MTR: variants seen among roughly 807,000 people sequenced by gnomAD.
MTR encodes methionine synthase.
In MTR, 84 loss-of-function variants were observed where a neutral mutation model predicts 154.8. That is an observed-to-expected ratio of 0.54 (90% CI 0.45 to 0.65). The LOEUF is 0.65. Ranked by LOEUF, MTR falls within the 30% of genes least tolerant of loss-of-function variation. The pLI, the probability that MTR is intolerant of heterozygous loss-of-function variation, is 0.00. For synonymous variants in MTR, 554 were observed against 553.9 expected (o/e 1.00, Z 0.00); for missense variants, 1,275 against 1,570.2 (o/e 0.81, Z 3.18).
intron 1 of MTR, among the ~76,000 whole-genome samples, chr1:236,796,327 G>C (rs1031561086): frequency 6.6e-6 from 1 of 152,148 alleles, no homozygotes; most frequent in African/African-American, 2.4e-5. Context: ...TCTGATGTTG[G>C]TGGCCCTGGG....
chr1:236,799,207 G>A (rs951421723), intron 1 of MTR, among the ~76,000 whole-genome samples: 10 of 151,658 alleles, frequency 6.6e-5, no homozygotes, highest in African/African-American at 1.5e-4. Flanking sequence ...CTGCAGCCTC[G>A]ACTTCCCAGG....
intron 18 of MTR, among the ~76,000 whole-genome samples, chr1:236,859,526 TA>T (rs1664398648): frequency 3.9e-5 from 6 of 152,178 alleles, no homozygotes; most frequent in Admixed American, 3.9e-4. Flanking sequence ...GGGTTTGGAG[TA>T]TAGCTTCTCT....
intron 31 of MTR, among the ~76,000 whole-genome samples, chr1:236,896,071 T>C (rs1666607586): frequency 6.6e-6 from 1 of 152,228 alleles, no homozygotes; most frequent in African/African-American, 2.4e-5. Context: ...ATGTTTTGCC[T>C]GTGGATTGAT....
At chr1:236,799,498 T>C (rs1660588040) in intron 1 of MTR, among the ~76,000 whole-genome samples, 1 of 152,206 alleles carries the variant, frequency 6.6e-6, no homozygotes, top group South Asian at 2.1e-4. Flanking sequence ...TGTTTTATTA[T>C]ATATTCCTTT....
intron 9 of MTR, among the ~76,000 whole-genome samples, chr1:236,824,688 T>C (rs886721404): frequency 1.3e-5 from 2 of 152,224 alleles, no homozygotes; most frequent in South Asian, 2.1e-4. Context: ...CCATTAAATA[T>C]TGGTAATTTG....
chr1:236,801,415 G>A (rs1441262684), intron 1 of MTR, among the ~76,000 whole-genome samples: 1 of 152,152 alleles, frequency 6.6e-6, no homozygotes, highest in Admixed American at 6.5e-5. Context: ...AAGCCCACTT[G>A]GAGAAAGTCA....
chr1:236,829,076 T>C (rs1391315040), intron 11 of MTR, 113 bp from the exon 12 acceptor site: 2 of 803,292 alleles, frequency 2.5e-6, no homozygotes, highest in East Asian at 2.8e-5. Flanking sequence ...TAATTATATG[T>C]ATAGTTATGT....
intron 3 of MTR, among the ~76,000 whole-genome samples, 168 bp from the exon 4 acceptor site, chr1:236,808,536 C>T (rs1661116939): frequency 6.6e-6 from 1 of 152,236 alleles, no homozygotes; most frequent in Non-Finnish European, 1.5e-5. Flanking sequence ...TGCTGCCTTT[C>T]AAGTCTGGAG....
chr1:236,889,371 TATTC>T (rs767090111), intron 28 of MTR, 35 bp downstream of exon 28: 389 of 1,613,132 alleles, frequency 2.4e-4, no homozygotes, highest in Middle Eastern at 9.9e-4. Context: ...CTGCCTCTGA[TATTC>T]AAGCTGTGGG....
Position 236,901,712 on chromosome 1 carries a change from G to C in MTR, c.*4068G>C, listed in dbSNP as rs1205898046. ...GGCCAGCTTCTCATGTTCTCACAGTGGGTGGAGGGTAAGCTTGCTCTCTGG... is the reference window on the plus strand; with the variant it reads ...GGCCAGCTTCTCATGTTCTCACAGTCGGTGGAGGGTAAGCTTGCTCTCTGG... On this transcript the variant is annotated 3_prime_UTR_variant, in exon 33 of 33. Coordinates refer to ENST00000366577, the MANE Select transcript of MTR (RefSeq NM_000254.3). The C allele has an allele frequency of 6.6e-6, 1 of 152,236 alleles. No individual in the cohort carries two copies. The highest frequency in any genetic ancestry group is 1.5e-5 in the Non-Finnish European group (1 of 68,090). The allele number at this position is 152,236 out of a possible 1,614,324, so 9.4% of individuals were successfully genotyped here.
At chr1:236,806,068 A>G in intron 2 of MTR, 76 bp from the exon 3 acceptor site, 1 of 1,181,568 alleles carries the variant, frequency 8.5e-7, no homozygotes, top group Non-Finnish European at 1.3e-6. Flanking sequence ...TAATGGTGGT[A>G]ATGAAAGGGC....
At chr1:236,851,216 T>C (rs1009696558) in intron 16 of MTR, among the ~76,000 whole-genome samples, 2 of 152,216 alleles carry the variant, frequency 1.3e-5, no homozygotes, top group Non-Finnish European at 2.9e-5. Context: ...CAACCCATAT[T>C]ATTCCCAAAG....
intron 8 of MTR, among the ~76,000 whole-genome samples, chr1:236,821,709 T>C (rs1661963555): frequency 6.6e-6 from 1 of 152,224 alleles, no homozygotes. Context: ...TATATATAGG[T>C]CTGTGTTCCA....
chr1:236,842,074 G>GTATTTT (rs1466789154), intron 15 of MTR, among the ~76,000 whole-genome samples: 1 of 152,088 alleles, frequency 6.6e-6, no homozygotes, highest in East Asian at 1.9e-4. Context: ...TGTATTTTTA[G>GTATTTT]TAGAGACGGG....
At chr1:236,859,991 T>C in intron 19 of MTR, 69 bp downstream of exon 19, 1 of 1,333,588 alleles carries the variant, frequency 7.5e-7, no homozygotes, top group Non-Finnish European at 1.1e-6. Context: ...TTGTGGGCGG[T>C]GTGACAGTAG....
Position 236,815,846 on chromosome 1 carries a change from G to A in MTR, c.669+183G>A, listed in dbSNP as rs549770899. Among the ~76,000 whole-genome samples the A allele has an allele frequency of 1.1e-4, 17 of 152,186 alleles. No individual in the cohort carries two copies. The East Asian group carries it at 1.5e-3, about 14-fold the overall frequency. ...CAATAACAGTCTTATATCTGGAGAG[G>A]CAAGGAAAATGAATCTAGAAGTAGC... On this transcript the variant is annotated intron_variant, in intron 7 of 32. Coordinates refer to ENST00000366577, the MANE Select transcript of MTR (RefSeq NM_000254.3).
At chr1:236,861,101 T>TTTTTTTTTTTTTTTTTTTTTTTTTTA in intron 19 of MTR, 24 bp from the exon 20 acceptor site, 1 of 1,461,890 alleles carries the variant, frequency 6.8e-7, no homozygotes. Context: ...CTTTTTCTTT[T>TTTTTTTTTTTTTTTTTTTTTTTTTTA]TTTTTTTTTT....
At position 236,858,360 on chromosome 1, in the gene MTR, C is replaced by T. The variant is rs535262140; in HGVS notation, c.1954-1473C>T. Among the ~76,000 whole-genome samples, 87 of 152,258 alleles carry T rather than the reference C, an allele frequency of 5.7e-4. No homozygotes were observed. The South Asian group carries it at 0.017, about 30-fold the overall frequency. On this transcript the variant is annotated intron_variant, in intron 18 of 32. Transcript: ENST00000366577. ...TCACAAGAACAGCACAGGAAAGACC[C>T]GTCTCCATGATTCAGTTACCTCCCA... is the stretch of plus-strand genomic sequence containing the variant.
At position 236,844,471 on chromosome 1, in the gene MTR, T is replaced by C. The variant is rs771397542; in HGVS notation, c.1515+5872T>C. ...GAAAGGGCGTGTGTGTGTGTGTGTGTGTGTGTGTGTGTGTGTGTGTGTGTG... is the reference window on the plus strand; with the variant it reads ...GAAAGGGCGTGTGTGTGTGTGTGTGCGTGTGTGTGTGTGTGTGTGTGTGTG... On this transcript the variant is annotated intron_variant, in intron 15 of 32. Transcript: ENST00000366577. Among the ~76,000 whole-genome samples, 362 of 63,610 alleles carry C rather than the reference T, an allele frequency of 5.7e-3. 1 individual carries two copies. The highest frequency in any genetic ancestry group is 0.015 in the African/African-American group (350 of 24,052). 41.7% of individuals were successfully genotyped at this position (63,610 alleles called of 152,430 possible).
Sources: allele counts gnomAD v4.1 joint callset (sites outside exome capture counted in the v4.1 genomes callset), GRCh38; gene constraint gnomAD v4.1.1; transcripts MANE v1.5; gene names NCBI Gene and HGNC (gene_info 2026-07-23, HGNC 2026-07-21).